Variants in GUCY2C observed in about 807,000 individuals in gnomAD.
GUCY2C encodes the protein guanylyl cyclase C.
GUCY2C carries 118 observed loss-of-function variants against 131.1 expected under a neutral mutation model. The ratio of observed to expected loss-of-function variants is 0.90; its 90% CI spans 0.78 to 1.05. GUCY2C has a LOEUF of 1.05. Among genes scored for constraint, GUCY2C ranks in the 50% least tolerant of loss-of-function variants. GUCY2C has a pLI of 0.00. For synonymous variants in GUCY2C, 452 were observed against 457.8 expected (o/e 0.99, Z 0.16); for missense variants, 1,161 against 1,304.4 (o/e 0.89, Z 1.69).
rs1203046990 is a variant in GUCY2C, at chr12:14,674,729, T to C, written c.980A>G (p.Asn327Ser). 6.2e-7 allele frequency: 1 copy of C among 1,611,926 alleles called. No individual in the cohort carries two copies. Among genetic ancestry groups the C allele is most frequent in the Non-Finnish European group, 8.5e-7 (1 of 1,178,490 alleles). The change falls in exon 8 of 27, where the codon AAT becomes AGT. Residue 327 changes from asparagine (N) to serine (S), a missense_variant. Coordinates refer to ENST00000261170, the MANE Select transcript of GUCY2C (RefSeq NM_004963.4). ...CATATGTCCAAAGAGCAGGATTCCA[T>C]TCAAATAGGCAAGAGCAAAGTCTCG... is the stretch of plus-strand genomic sequence containing the variant. The part of the protein sequence containing the change: ...TKRDFALAYL[N>S]GILLFGHMLK...
At chr12:14,674,501 A>T in intron 8 of GUCY2C, 124 bp downstream of exon 8, 1 of 864,828 alleles carries the variant, frequency 1.2e-6, no homozygotes, top group East Asian at 2.4e-5. Context: ...GTTTGCATCC[A>T]GTTGAGTTCA....
At chr12:14,671,910 TAC>T (rs1248522482) in intron 9 of GUCY2C, among the ~76,000 whole-genome samples, 1 of 152,254 alleles carries the variant, frequency 6.6e-6, no homozygotes, top group Non-Finnish European at 1.5e-5. Context: ...ATCTAGAAAC[TAC>T]GAATTACATT....
At chr12:14,634,979 A>G (rs1369832719) in intron 19 of GUCY2C, among the ~76,000 whole-genome samples, 2 of 152,250 alleles carry the variant, frequency 1.3e-5, no homozygotes, top group African/African-American at 4.8e-5. Context: ...AAATACTATT[A>G]GATCTAAAGG....
intron 10 of GUCY2C, among the ~76,000 whole-genome samples, chr12:14,666,197 C>T (rs1947976269): frequency 6.6e-6 from 1 of 152,234 alleles, no homozygotes; most frequent in Non-Finnish European, 1.5e-5. Context: ...GCAAATGCGG[C>T]CTCTACCTGG....
intron 1 of GUCY2C, among the ~76,000 whole-genome samples, chr12:14,694,138 G>C (rs1446006813): frequency 2.0e-5 from 3 of 152,160 alleles, no homozygotes; most frequent in African/African-American, 7.2e-5. Flanking sequence ...TGGGAACTGA[G>C]GTTCCGAAAA....
chr12:14,624,527 A>G (rs1402863747), intron 21 of GUCY2C, among the ~76,000 whole-genome samples: 1 of 152,236 alleles, frequency 6.6e-6, no homozygotes, highest in Non-Finnish European at 1.5e-5. Context: ...AAGGGGTACT[A>G]TTCAAATAAA....
chr12:14,669,804 G>A lies in GUCY2C; in HGVS notation c.1200C>T (p.His400=), dbSNP rs199636407. ...TATCCACAGGATAGGTCTTATTTAC[G>A]TGGGTATCATAGGTCAAAAGAACCT... is the stretch of plus-strand genomic sequence containing the variant. ...KYKVLLTYDT[H]VNKTYPVDMS... The change falls in exon 10 of 27, where the codon CAC becomes CAT. Residue 400 remains histidine (H), a synonymous_variant. Transcript: ENST00000261170. 5.9e-4 allele frequency: 941 copies of A among 1,593,448 alleles called. 8 individuals are homozygous for A. In the South Asian group the frequency reaches 6.1e-3, roughly 10 times the overall value.
chr12:14,653,153 A>G lies in GUCY2C; in HGVS notation c.1471-139T>C, dbSNP rs1450211302. The G allele has an allele frequency of 5.4e-6, 4 of 746,108 alleles. No homozygotes were observed. The Admixed American group carries it at 7.3e-5, about 14-fold the overall frequency. 46.2% of individuals were successfully genotyped at this position (746,108 alleles called of 1,614,324 possible). A position where few individuals can be genotyped will look rare whatever the true frequency, so the allele number is the denominator to read the frequency against. On this transcript the variant is annotated intron_variant, in intron 12 of 26. Transcript: ENST00000261170. ...GCTGGGCAAGCAGGCTTCCAGAAAA[A>G]CTGTTGTAATTGACTTGCTCCCTCT...
At chr12:14,688,982 A>C (rs1394960394) in intron 1 of GUCY2C, among the ~76,000 whole-genome samples, 1 of 152,188 alleles carries the variant, frequency 6.6e-6, no homozygotes, top group Non-Finnish European at 1.5e-5. Flanking sequence ...AAGTGCTTTC[A>C]ATTTATTCCA....
rs1212134727 is a variant in GUCY2C at position 14,612,967 on chromosome 12, A to G, written c.*150T>C. 1.6e-6 allele frequency: 1 copy of G among 639,634 alleles called. No individual in the cohort carries two copies. The highest frequency in any genetic ancestry group is 2.8e-6 in the Non-Finnish European group (1 of 356,992). 39.6% of individuals were successfully genotyped at this position (639,634 alleles called of 1,614,324 possible). On this transcript the variant is annotated 3_prime_UTR_variant, in exon 27 of 27. Transcript: ENST00000261170. ...AGAACACACATCTGATTCATGCAAG[A>G]AAGTCCATGTTCCAGACAGGGCAGC...
chr12:14,625,055 A>G (rs1376267953), intron 21 of GUCY2C, among the ~76,000 whole-genome samples: 2 of 152,184 alleles, frequency 1.3e-5, no homozygotes, highest in Admixed American at 6.5e-5. Flanking sequence ...CTGAGGGCTC[A>G]TGGGTTCTGC....
intron 24 of GUCY2C, 37 bp downstream of exon 24, chr12:14,619,174 A>C (rs758397276): frequency 2.4e-6 from 3 of 1,236,524 alleles, no homozygotes; most frequent in Non-Finnish European, 3.6e-6. Flanking sequence ...GGAAAACAGC[A>C]TCTTTGTCCT....
chr12:14,685,486 C>T (rs1452989773), intron 3 of GUCY2C, among the ~76,000 whole-genome samples: 1 of 152,054 alleles, frequency 6.6e-6, no homozygotes, highest in Non-Finnish European at 1.5e-5. Flanking sequence ...TCAGATTGAA[C>T]AGGTACAAAA....
intron 11 of GUCY2C, among the ~76,000 whole-genome samples, chr12:14,657,095 T>G (rs1947778609): frequency 6.6e-6 from 1 of 152,228 alleles, no homozygotes; most frequent in Non-Finnish European, 1.5e-5. Context: ...GCTGTGCGGT[T>G]GGTTCCTAAC....
At chr12:14,692,482 A>G (rs1250147037) in intron 1 of GUCY2C, among the ~76,000 whole-genome samples, 2 of 152,218 alleles carry the variant, frequency 1.3e-5, no homozygotes, top group Non-Finnish European at 2.9e-5. Context: ...TTAGTTTTCA[A>G]TACAATCAAT....
chr12:14,643,677 T>C lies in GUCY2C; in HGVS notation c.1827A>G (p.Thr609=). The change falls in exon 17 of 27, where the codon ACA becomes ACG. Residue 609 remains threonine (T), a synonymous_variant. Coordinates refer to ENST00000261170, the MANE Select transcript of GUCY2C (RefSeq NM_004963.4). The part of the protein sequence containing the change: ...KGMSYLHSSK[T]EVHGRLKSTN... ...TAGATTTCAGACGACCATGGACTTC[T>C]GTCTTACTGGAGTGCAGATATGACA... The C allele has an allele frequency of 1.2e-6, 2 of 1,613,270 alleles. No individual in the cohort carries two copies. The highest frequency in any genetic ancestry group is 1.7e-6 in the Non-Finnish European group (2 of 1,179,160).
At position 14,630,344 on chromosome 12, in the gene GUCY2C, A is replaced by T. The variant is rs528049484; in HGVS notation, c.2158-1607T>A. On this transcript the variant is annotated intron_variant, in intron 19 of 26. Coordinates refer to ENST00000261170, the MANE Select transcript of GUCY2C (RefSeq NM_004963.4). ...GACTACCTTAGAGCAGAATAGGCAG[A>T]AACAGCAAACTGGGCCGATCCTGTG... is the stretch of plus-strand genomic sequence containing the variant. 3.3e-5 allele frequency among the ~76,000 whole-genome samples: 5 copies of T among 152,102 alleles called. No individual in the cohort carries two copies. In the East Asian group the frequency reaches 9.6e-4, roughly 29 times the overall value.
intron 12 of GUCY2C, among the ~76,000 whole-genome samples, chr12:14,654,183 T>A (rs939881086): frequency 6.6e-6 from 1 of 152,246 alleles, no homozygotes; most frequent in African/African-American, 2.4e-5. Flanking sequence ...ATTTCTTTTG[T>A]CTGGAATCTT....
intron 25 of GUCY2C, 59 bp from the exon 26 acceptor site, chr12:14,615,002 C>A: frequency 1.2e-6 from 1 of 809,846 alleles, no homozygotes. Flanking sequence ...AGTTGTAGAC[C>A]ACTGTTTCCA....
Sources: allele counts gnomAD v4.1 joint callset (sites outside exome capture counted in the v4.1 genomes callset), GRCh38; gene constraint gnomAD v4.1.1; transcripts MANE v1.5; gene names NCBI Gene and HGNC (gene_info 2026-07-23, HGNC 2026-07-21).